The following NDUFAF2 variants were observed in gnomAD, a reference collection of about 807,000 sequenced individuals.
NDUFAF2 encodes the protein NADH:ubiquinone oxidoreductase complex assembly factor 2, also known as NADH dehydrogenase [ubiquinone] 1 alpha subcomplex assembly factor 2.
NDUFAF2 carries 13 observed loss-of-function variants against 22.8 expected under a neutral mutation model. The ratio of observed to expected loss-of-function variants is 0.57; its 90% CI spans 0.37 to 0.91. The LOEUF (loss-of-function observed/expected upper bound fraction) is 0.91, where lower values mean the gene tolerates loss of function less well. Among genes scored for constraint, NDUFAF2 ranks in the 40% least tolerant of loss-of-function variants. NDUFAF2 has a pLI of 0.01. For missense variants in NDUFAF2, 162 were observed against 195.2 expected, an observed-to-expected ratio of 0.83 and a Z score of 1.01; for synonymous variants, 53 against 64.2, an observed-to-expected ratio of 0.83 and a Z score of 0.84.
chr5:61,107,462 G>C (rs181743603), intron 3 of NDUFAF2, among the ~76,000 whole-genome samples: 7 of 151,166 alleles, frequency 4.6e-5, no homozygotes, highest in Non-Finnish European at 8.8e-5. Context: ...AGTTGTTTGA[G>C]TTCCTTATAT....
Position 61,004,513 on chromosome 5 carries a change from A to G in NDUFAF2, c.127+59131A>G, listed in dbSNP as rs575985776. 1.3e-3 allele frequency among the ~76,000 whole-genome samples: 203 copies of G among 152,266 alleles called. 4 individuals are homozygous for G. Among genetic ancestry groups the G allele is most frequent in the Middle Eastern group, 6.8e-3 (2 of 294 alleles). On this transcript the variant is annotated intron_variant, in intron 1 of 3. Transcript: ENST00000296597. ...AAGAGCATTCTTGAGATTGTTAAAC[A>G]TTAGAACTGAAGGATTTTAGATGTT... is the stretch of plus-strand genomic sequence containing the variant.
At chr5:60,950,023 G>A (rs186919854) in intron 1 of NDUFAF2, among the ~76,000 whole-genome samples, 1 of 152,158 alleles carries the variant, frequency 6.6e-6, no homozygotes, top group East Asian at 1.9e-4. Flanking sequence ...TATCAACTGT[G>A]GATAGAGACA....
chr5:61,107,912 C>T lies in NDUFAF2; in HGVS notation c.258+8880C>T, dbSNP rs1434721604. Among the ~76,000 whole-genome samples the T allele has an allele frequency of 1.0e-4, 15 of 147,286 alleles. No homozygotes were observed. In the South Asian group the frequency reaches 3.0e-3, roughly 29 times the overall value. ...ATTCCCACCTATGAGTGAGAAGATG[C>T]GGTGTTTGGTTTTTTGTTCTTGCGA... On this transcript the variant is annotated intron_variant, in intron 3 of 3. Coordinates refer to ENST00000296597, the MANE Select transcript of NDUFAF2 (RefSeq NM_174889.5).
intron 1 of NDUFAF2, among the ~76,000 whole-genome samples, chr5:60,969,506 G>A (rs753412329): frequency 2.0e-4 from 31 of 152,094 alleles, no homozygotes; most frequent in Non-Finnish European, 3.5e-4. Context: ...CAATTTGTAT[G>A]TCTTCTTTTG....
At chr5:60,970,922 TA>T (rs1308578515) in intron 1 of NDUFAF2, among the ~76,000 whole-genome samples, 1 of 152,158 alleles carries the variant, frequency 6.6e-6, no homozygotes, top group African/African-American at 2.4e-5. Flanking sequence ...ATTTGTCTCA[TA>T]TTAAGGAGGA....
intron 2 of NDUFAF2, among the ~76,000 whole-genome samples, chr5:61,074,043 G>A (rs1483348405): frequency 6.6e-6 from 1 of 152,202 alleles, no homozygotes; most frequent in Non-Finnish European, 1.5e-5. Flanking sequence ...CTGCAAGACT[G>A]AGTTCAAAAT....
chr5:61,081,262 A>C (rs1752438775), intron 2 of NDUFAF2, among the ~76,000 whole-genome samples: 2 of 152,162 alleles, frequency 1.3e-5, no homozygotes, highest in African/African-American at 4.8e-5. Context: ...TGAGTCTGCC[A>C]ACTTCTTTCC....
chr5:61,064,025 T>G (rs1177596598), intron 1 of NDUFAF2, among the ~76,000 whole-genome samples: 1 of 152,106 alleles, frequency 6.6e-6, no homozygotes, highest in Non-Finnish European at 1.5e-5. Context: ...AGGACACACA[T>G]AAGCTGAAAG....
chr5:61,144,094 AT>A (rs1741096830), intron 3 of NDUFAF2, among the ~76,000 whole-genome samples: 1 of 151,760 alleles, frequency 6.6e-6, no homozygotes, highest in Non-Finnish European at 1.5e-5. Context: ...CATTAACTCT[AT>A]TCCATTTCCA....
chr5:61,083,333 G>A (rs1460753116), intron 2 of NDUFAF2: 1 of 152,020 alleles, frequency 6.6e-6, no homozygotes, highest in Non-Finnish European at 1.5e-5. Context: ...GCGAAAGGTA[G>A]GGGTCAACTT....
intron 3 of NDUFAF2, among the ~76,000 whole-genome samples, chr5:61,128,778 C>T (rs976810744): frequency 2.6e-5 from 4 of 152,078 alleles, no homozygotes; most frequent in Admixed American, 1.3e-4. Context: ...GCAATGGCAA[C>T]AAAAGCCAAA....
intron 1 of NDUFAF2, among the ~76,000 whole-genome samples, chr5:60,988,825 T>C (rs1447395944): frequency 2.0e-5 from 3 of 152,098 alleles, no homozygotes; most frequent in Non-Finnish European, 2.9e-5. Flanking sequence ...TATAATACCC[T>C]GGAAGATGAC....
intron 1 of NDUFAF2, among the ~76,000 whole-genome samples, chr5:61,065,038 C>T (rs1379359028): frequency 6.6e-6 from 1 of 151,722 alleles, no homozygotes; most frequent in Non-Finnish European, 1.5e-5. Context: ...GCAGATGCCT[C>T]AGAAATAAAA....
rs1361691976 is a variant in NDUFAF2, at chr5:60,964,472, A to AC, written c.127+19092dup. ...CAACACTTTTTTTTTTTTTTTGGAG[A>AC]CCGAGTCTCACTCTGTTGCCCCGGC... On this transcript the variant is annotated intron_variant, in intron 1 of 3. Coordinates refer to ENST00000296597, the MANE Select transcript of NDUFAF2 (RefSeq NM_174889.5). Among the ~76,000 whole-genome samples, 7 of 145,720 alleles carry AC rather than the reference A, an allele frequency of 4.8e-5. No homozygotes were observed. In the South Asian group the frequency reaches 6.5e-4, roughly 14 times the overall value.
chr5:61,003,268 TAAG>T (rs1248395087), intron 1 of NDUFAF2, among the ~76,000 whole-genome samples: 1 of 152,144 alleles, frequency 6.6e-6, no homozygotes, highest in African/African-American at 2.4e-5. Context: ...GAAAACTGGC[TAAG>T]AAGGCCTTTG....
intron 3 of NDUFAF2, among the ~76,000 whole-genome samples, chr5:61,149,841 C>T (rs1165481272): frequency 1.3e-5 from 2 of 152,108 alleles, no homozygotes; most frequent in African/African-American, 2.4e-5. Flanking sequence ...CTTAAAAGTC[C>T]TTAAGGTCTA....
chr5:60,948,826 T>C (rs890902509), intron 1 of NDUFAF2, among the ~76,000 whole-genome samples: 1 of 152,200 alleles, frequency 6.6e-6, no homozygotes, highest in African/African-American at 2.4e-5. Context: ...AGAAATGGAA[T>C]GGCTGAGTCA....
chr5:61,032,428 C>A (rs1481650995), intron 1 of NDUFAF2, among the ~76,000 whole-genome samples: 1 of 152,160 alleles, frequency 6.6e-6, no homozygotes, highest in Non-Finnish European at 1.5e-5. Flanking sequence ...GGTCCAGTTT[C>A]AGTTTTCTGC....
chr5:61,027,144 A>G (rs984560875), intron 1 of NDUFAF2, among the ~76,000 whole-genome samples: 1 of 151,876 alleles, frequency 6.6e-6, no homozygotes, highest in Non-Finnish European at 1.5e-5. Flanking sequence ...TTATTTTTTC[A>G]CATACTCAAT....
Sources: allele counts gnomAD v4.1 joint callset (sites outside exome capture counted in the v4.1 genomes callset), GRCh38; gene constraint gnomAD v4.1.1; transcripts MANE v1.5; gene names NCBI Gene and HGNC (gene_info 2026-07-23, HGNC 2026-07-21).